The following HERPUD2 variants were observed in gnomAD, a reference collection of about 807,000 sequenced individuals.
HERPUD2 encodes the protein homocysteine-responsive endoplasmic reticulum-resident ubiquitin-like domain member 2 protein.
A neutral mutation model predicts 49.9 loss-of-function variants in HERPUD2; 13 were observed. The observed-to-expected ratio is 0.26, with a 90% confidence interval of 0.17 to 0.41. The LOEUF (loss-of-function observed/expected upper bound fraction) is 0.41, where lower values mean the gene tolerates loss of function less well. HERPUD2 is among the 10% of genes least tolerant of loss of function. The pLI is 1.00. For missense variants in HERPUD2, 449 were observed against 492.2 expected, an observed-to-expected ratio of 0.91 and a Z score of 0.83; for synonymous variants, 172 against 171.4, an observed-to-expected ratio of 1.00 and a Z score of -0.03.
At chr7:35,663,081 A>G (rs1368363624) in intron 5 of HERPUD2, among the ~76,000 whole-genome samples, 2 of 152,118 alleles carry the variant, frequency 1.3e-5, no homozygotes, top group East Asian at 1.9e-4. Context: ...CTTTGTTCTC[A>G]TTGATTTCAA....
intron 4 of HERPUD2, among the ~76,000 whole-genome samples, chr7:35,669,025 T>C (rs2115960612): frequency 6.6e-6 from 1 of 152,154 alleles, no homozygotes; most frequent in East Asian, 1.9e-4. Flanking sequence ...AAAAAACAAA[T>C]ATACACACTA....
intron 3 of HERPUD2, 87 bp downstream of exon 3, chr7:35,673,114 A>G: frequency 1.0e-6 from 1 of 970,276 alleles, no homozygotes. Context: ...AGTATCTAAA[A>G]ACTGAACTGG....
chr7:35,684,364 T>C (rs1785984173), intron 2 of HERPUD2, among the ~76,000 whole-genome samples: 1 of 150,954 alleles, frequency 6.6e-6, no homozygotes, highest in South Asian at 2.1e-4. Flanking sequence ...CACTCCAGCC[T>C]GGGTGATGGA....
At chr7:35,639,980 C>T (rs1784942028) in intron 5 of HERPUD2, among the ~76,000 whole-genome samples, 1 of 152,054 alleles carries the variant, frequency 6.6e-6, no homozygotes, top group South Asian at 2.1e-4. Flanking sequence ...GGGGAAAAAA[C>T]TTCAGCTCTC....
At chr7:35,651,324 C>T (rs1210049758) in intron 5 of HERPUD2, among the ~76,000 whole-genome samples, 2 of 152,146 alleles carry the variant, frequency 1.3e-5, no homozygotes, top group African/African-American at 2.4e-5. Flanking sequence ...GTATGCCACA[C>T]TGGGGCCTAA....
chr7:35,694,633 C>G lies in HERPUD2; in HGVS notation c.-297-6G>C. ...CGTCGTGAGGAGAAAGGAAGCTATA[C>G]GAAGGAAGGGTGGGAGGGATGAGGG... On this transcript the variant is annotated splice_region_variant and splice_polypyrimidine_tract_variant and intron_variant, in intron 1 of 8. Transcript: ENST00000311350. The G allele has an allele frequency of 2.8e-6, 1 of 351,150 alleles. No individual in the cohort carries two copies. Among genetic ancestry groups the G allele is most frequent in the South Asian group, 3.1e-5 (1 of 32,446 alleles). 21.8% of individuals were successfully genotyped at this position (351,150 alleles called of 1,614,324 possible).
At chr7:35,687,662 T>A (rs971097169) in intron 2 of HERPUD2, among the ~76,000 whole-genome samples, 1 of 152,232 alleles carries the variant, frequency 6.6e-6, no homozygotes. Context: ...AGTCCTAACC[T>A]GGACTTTTTT....
intron 5 of HERPUD2, among the ~76,000 whole-genome samples, chr7:35,644,751 A>G (rs528286141): frequency 4.6e-5 from 7 of 152,320 alleles, no homozygotes; most frequent in African/African-American, 1.2e-4. Context: ...TGGGGGAAAC[A>G]GTGAGGCTCT....
intron 5 of HERPUD2, among the ~76,000 whole-genome samples, chr7:35,652,734 A>G (rs938443155): frequency 1.7e-4 from 26 of 151,884 alleles, no homozygotes; most frequent in African/African-American, 5.3e-4. Flanking sequence ...AAGGAAGGAA[A>G]GGAAGGAACG....
intron 5 of HERPUD2, among the ~76,000 whole-genome samples, chr7:35,659,598 T>C (rs1367596998): frequency 1.3e-5 from 2 of 152,104 alleles, no homozygotes; most frequent in Non-Finnish European, 2.9e-5. Context: ...AATGAGAAAA[T>C]GGAAGCACAG....
At chr7:35,649,053 C>T (rs1322835382) in intron 5 of HERPUD2, among the ~76,000 whole-genome samples, 3 of 152,070 alleles carry the variant, frequency 2.0e-5, no homozygotes, top group Admixed American at 1.3e-4. Context: ...AGATCAAGAC[C>T]ATCCTGACTA....
intron 2 of HERPUD2, among the ~76,000 whole-genome samples, chr7:35,675,715 T>C (rs185402495): frequency 1.4e-3 from 212 of 152,296 alleles, no homozygotes; most frequent in Non-Finnish European, 2.5e-3. Context: ...TCTTGTCTCA[T>C]CCATCCCTCA....
Position 35,633,548 on chromosome 7 carries a change from A to G in HERPUD2, c.*142T>C, listed in dbSNP as rs1784819705. On this transcript the variant is annotated 3_prime_UTR_variant, in exon 9 of 9. Transcript: ENST00000311350. ...TAGTCCATTCGTGCTTAAAATATTCATATGCATGAGAAGCCTAAAGAAAAA... is the reference window on the plus strand; with the variant it reads ...TAGTCCATTCGTGCTTAAAATATTCGTATGCATGAGAAGCCTAAAGAAAAA... The G allele has an allele frequency of 3.5e-6, 2 of 569,952 alleles. No homozygotes were observed. Among genetic ancestry groups the G allele is most frequent in the East Asian group, 6.2e-5 (2 of 32,294 alleles). The allele number at this position is 569,952 out of a possible 1,614,324, so 35.3% of individuals were successfully genotyped here. A position where few individuals can be genotyped will look rare whatever the true frequency, so the allele number is the denominator to read the frequency against.
chr7:35,650,818 C>T (rs1282747809), intron 5 of HERPUD2, among the ~76,000 whole-genome samples: 3 of 152,134 alleles, frequency 2.0e-5, no homozygotes, highest in Non-Finnish European at 2.9e-5. Flanking sequence ...GTGCATCTCC[C>T]GAGCACTGTA....
At position 35,638,276 on chromosome 7, in the gene HERPUD2, C is replaced by T. The variant is rs1274987573; in HGVS notation, c.617+74G>A. ...ATAAACAAATGAAATGCCAAATCAA[C>T]TTACTTAGGATAAAAAGAAAATAAA... is the stretch of plus-strand genomic sequence containing the variant. On this transcript the variant is annotated intron_variant, in intron 6 of 8. Transcript: ENST00000311350. 2.9e-6 allele frequency: 4 copies of T among 1,399,436 alleles called. No homozygotes were observed. In the African/African-American group the frequency reaches 4.3e-5, roughly 15 times the overall value. The allele number at this position is 1,399,436 out of a possible 1,614,324, so 86.7% of individuals were successfully genotyped here.
At position 35,648,111 on chromosome 7, in the gene HERPUD2, C is replaced by A. The variant is rs17171628; in HGVS notation, c.495-9639G>T. Among the ~76,000 whole-genome samples the A allele has an allele frequency of 3.3e-3, 506 of 151,938 alleles. 2 individuals carry two copies. The highest frequency in any genetic ancestry group is 0.011 in the African/African-American group (476 of 41,396). On this transcript the variant is annotated intron_variant, in intron 5 of 8. Transcript: ENST00000311350. ...AGAGACTCAGGATCTTCAACATTAC[C>A]GAGAAAGTAAACTGGTACAACTTTA...
At chr7:35,693,375 T>C (rs769500453) in intron 2 of HERPUD2, among the ~76,000 whole-genome samples, 2 of 152,188 alleles carry the variant, frequency 1.3e-5, no homozygotes, top group Non-Finnish European at 2.9e-5. Context: ...TTATAATTCT[T>C]TGGTCCTTGA....
chr7:35,649,975 C>T (rs1785130304), intron 5 of HERPUD2, among the ~76,000 whole-genome samples: 1 of 151,892 alleles, frequency 6.6e-6, no homozygotes. Flanking sequence ...GAGGAGAGGT[C>T]CACTCAGATG....
intron 5 of HERPUD2, among the ~76,000 whole-genome samples, chr7:35,661,257 T>C (rs1290902202): frequency 6.6e-6 from 1 of 152,188 alleles, no homozygotes; most frequent in Non-Finnish European, 1.5e-5. Flanking sequence ...TTGGTACCAG[T>C]ACCATGCTGT....
Sources: gnomAD v4.1 joint callset for allele counts (sites outside exome capture counted in the v4.1 genomes callset) on GRCh38, gnomAD v4.1.1 for gene constraint, MANE v1.5 for transcripts, NCBI Gene and HGNC (gene_info 2026-07-23, HGNC 2026-07-21) for gene names.